CITED2: variants seen among roughly 807,000 people sequenced by gnomAD.
The protein encoded by CITED2 is cbp/p300-interacting transactivator 2.
A neutral mutation model predicts 11.8 loss-of-function variants in CITED2; 2 were observed. That is an observed-to-expected ratio of 0.17 (90% CI 0.07 to 0.54). CITED2 has a LOEUF of 0.54. Among genes scored for constraint, CITED2 ranks in the 20% least tolerant of loss-of-function variants. CITED2 has a pLI of 0.94. For synonymous variants in CITED2, 210 were observed against 153.0 expected (o/e 1.37, Z -2.75); for missense variants, 437 against 390.2 (o/e 1.12, Z -1.01).
In CITED2 at chr6:139,373,754, T is replaced by G; in HGVS notation, c.191A>C (p.Asn64Thr). Residue 64 changes from asparagine to threonine, a missense_variant, in exon 2 of 2, where the codon AAT becomes ACT. Asn to Thr is a moderately conservative substitution (Grantham distance 65, BLOSUM62 0). This residue lies in a region of CITED2 where 396 missense variants were observed against 325.2 expected (regional missense o/e 1.22). Coordinates refer to ENST00000367651, the MANE Select transcript of CITED2 (RefSeq NM_006079.5). ...CGCATGCCTGATGCCGCTCGTGGCA[T>G]TCATGTTGCCCGCGCCGTAGTGTAT... ...EHIHYGAGNMNATSGIRHAMG... is the reference protein window; with the variant it reads ...EHIHYGAGNMTATSGIRHAMG... 1.2e-6 allele frequency: 2 copies of G among 1,611,008 alleles called. No homozygotes were observed. Among genetic ancestry groups the G allele is most frequent in the Non-Finnish European group, 1.7e-6 (2 of 1,179,922 alleles).
At position 139,372,118 on chromosome 6, in the gene CITED2, G is replaced by C. The variant is rs1013212348; in HGVS notation, c.*1014C>G. ...ATGTTAAATCCTGCTCTCCGCTTAA[G>C]CTCATCATGACCTGTTTTAGTGTCC... On this transcript the variant is annotated 3_prime_UTR_variant, in exon 2 of 2. Coordinates refer to ENST00000367651, the MANE Select transcript of CITED2 (RefSeq NM_006079.5). 6.6e-6 allele frequency: 1 copy of C among 151,988 alleles called. No homozygotes were observed. 9.4% of individuals were successfully genotyped at this position (151,988 alleles called of 1,614,324 possible). A position where few individuals can be genotyped will look rare whatever the true frequency, so the allele number is the denominator to read the frequency against.
In CITED2 at chr6:139,372,706, G is replaced by T; in HGVS notation, c.*426C>A. 4.3e-6 allele frequency: 1 copy of T among 230,004 alleles called. No individual in the cohort carries two copies. The highest frequency in any genetic ancestry group is 5.6e-5 in the South Asian group (1 of 17,750). 14.2% of individuals were successfully genotyped at this position (230,004 alleles called of 1,614,324 possible). ...GTAATATCTGCCCTTCGAAGTTCAT[G>T]CAACCAACTAATGCAATTTTTCCTT... On this transcript the variant is annotated 3_prime_UTR_variant, in exon 2 of 2. Transcript: ENST00000367651.
Position 139,373,502 on chromosome 6 carries a change from C to G in CITED2, c.443G>C (p.Gly148Ala), listed in dbSNP as rs759431603. ...LHPAAGHQMN[G>A]TNQHFRDCNP... Reference sequence around the variant, plus strand: ...GCAATCTCGGAAGTGCTGGTTTGTCCCGTTCATCTGGTGGCCTGCAGCAGG... The same window carrying G: ...GCAATCTCGGAAGTGCTGGTTTGTCGCGTTCATCTGGTGGCCTGCAGCAGG... Residue 148 changes from glycine (G) to alanine (A), a missense_variant, in exon 2 of 2, where the codon GGG (glycine) becomes GCG (alanine). Gly to Ala is a moderately conservative substitution (Grantham distance 60, BLOSUM62 0). This residue lies in a region of CITED2 where 396 missense variants were observed against 325.2 expected (regional missense o/e 1.22). Transcript: ENST00000367651. 10 of 1,612,840 alleles carry G rather than the reference C, an allele frequency of 6.2e-6. No individual in the cohort carries two copies. The East Asian group carries it at 2.2e-4, about 36-fold the overall frequency.
chr6:139,373,324 G>T lies in CITED2; in HGVS notation c.621C>A (p.His207Gln). The T allele has an allele frequency of 1.2e-6, 2 of 1,611,604 alleles. No homozygotes were observed. The highest frequency in any genetic ancestry group is 1.7e-6 in the Non-Finnish European group (2 of 1,179,298). The change falls in exon 2 of 2, where the codon CAC becomes CAA. Residue 207 changes from histidine to glutamine, a missense_variant. Physicochemically the swap from His to Gln is conservative, Grantham distance 24. Transcript: ENST00000367651. ...GSGNMPASVA[H>Q]VPAAMLPPNV... The stretch of plus-strand genomic sequence containing the variant: ...TGGGCGGCAGCATTGCAGCGGGGAC[G>T]TGGGCCACGGAGGCGGGCATGTTGC...
Position 139,374,468 on chromosome 6 carries a change from G to A in CITED2, c.-64C>T, listed in dbSNP as rs569578294. The A allele has an allele frequency of 2.7e-4, 92 of 338,434 alleles. No homozygotes were observed. Among genetic ancestry groups the A allele is most frequent in the African/African-American group, 1.9e-3 (90 of 48,220 alleles). 21.0% of individuals were successfully genotyped at this position (338,434 alleles called of 1,614,324 possible). A position where few individuals can be genotyped will look rare whatever the true frequency, so the allele number is the denominator to read the frequency against. Reference sequence around the variant, plus strand: ...CCGAGGGCGGGCTCGTCGCGTCCAGGACCGGCTCAGCAGCACATAGAGGGG... The same window carrying A: ...CCGAGGGCGGGCTCGTCGCGTCCAGAACCGGCTCAGCAGCACATAGAGGGG... On this transcript the variant is annotated 5_prime_UTR_variant, in exon 1 of 2. Coordinates refer to ENST00000367651, the MANE Select transcript of CITED2 (RefSeq NM_006079.5).
chr6:139,374,587 T>G lies in CITED2; in HGVS notation c.-183A>C. On this transcript the variant is annotated 5_prime_UTR_variant, in exon 1 of 2. Transcript: ENST00000367651. ...GCAGATTCGGAGCCGTTCCCTTTTATTTCCCCTCCGTTGCCCTCACAGCTC... is the reference window on the plus strand; with the variant it reads ...GCAGATTCGGAGCCGTTCCCTTTTAGTTCCCCTCCGTTGCCCTCACAGCTC... 5.9e-6 allele frequency: 1 copy of G among 169,848 alleles called. No individual in the cohort carries two copies. Among genetic ancestry groups the G allele is most frequent in the Non-Finnish European group, 1.3e-5 (1 of 79,470 alleles). 10.5% of individuals were successfully genotyped at this position (169,848 alleles called of 1,614,324 possible). A position where few individuals can be genotyped will look rare whatever the true frequency, so the allele number is the denominator to read the frequency against.
At position 139,372,915 on chromosome 6, in the gene CITED2, G is replaced by A. The variant is rs945969113; in HGVS notation, c.*217C>T. The A allele has an allele frequency of 1.7e-5, 10 of 601,600 alleles. No individual in the cohort carries two copies. Among genetic ancestry groups the A allele is most frequent in the Admixed American group, 2.8e-5 (1 of 35,590 alleles). 37.3% of individuals were successfully genotyped at this position (601,600 alleles called of 1,614,324 possible). On this transcript the variant is annotated 3_prime_UTR_variant, in exon 2 of 2. Transcript: ENST00000367651. ...TTTCAACTACATAAGGGAGGTGGGT[G>A]AATGTCAAGGCTACAAAAACGAAAC...
chr6:139,372,902 A>T lies in CITED2; in HGVS notation c.*230T>A. 1.7e-6 allele frequency: 1 copy of T among 584,748 alleles called. No individual in the cohort carries two copies. The highest frequency in any genetic ancestry group is 3.0e-6 in the Non-Finnish European group (1 of 327,984). The allele number at this position is 584,748 out of a possible 1,614,324, so 36.2% of individuals were successfully genotyped here. ...AGTTAGCTAGATATTTCAACTACATAAGGGAGGTGGGTGAATGTCAAGGCT... is the reference window on the plus strand; with the variant it reads ...AGTTAGCTAGATATTTCAACTACATTAGGGAGGTGGGTGAATGTCAAGGCT... On this transcript the variant is annotated 3_prime_UTR_variant, in exon 2 of 2. Coordinates refer to ENST00000367651, the MANE Select transcript of CITED2 (RefSeq NM_006079.5).
Position 139,373,554 on chromosome 6 carries a change from G to A in CITED2, c.391C>T (p.His131Tyr). The change falls in exon 2 of 2, where the codon CAC (histidine) becomes TAC (tyrosine). Residue 131 changes from histidine to tyrosine, a missense_variant. Around this residue, in one of 3 missense-constraint regions of CITED2, gnomAD observed 396 missense variants for 325.2 expected, o/e 1.22. Coordinates refer to ENST00000367651, the MANE Select transcript of CITED2 (RefSeq NM_006079.5). ...NQYFNHHPYP[H>Y]NHYMPDLHPA... ...TGCAAATCCGGCATGTAGTGGTTGT[G>A]GGGGTAGGGGTGATGGTTGAAATAC... The A allele has an allele frequency of 6.2e-7, 1 of 1,614,122 alleles. No individual in the cohort carries two copies. Among genetic ancestry groups the A allele is most frequent in the Non-Finnish European group, 8.5e-7 (1 of 1,179,984 alleles).
rs187566066 is a variant in CITED2, at chr6:139,373,067, T to C, written c.*65A>G. 5.3e-4 allele frequency: 748 copies of C among 1,398,648 alleles called. 2 individuals are homozygous for C. Among genetic ancestry groups the C allele is most frequent in the Admixed American group, 4.6e-3 (277 of 59,772 alleles). 86.6% of individuals were successfully genotyped at this position (1,398,648 alleles called of 1,614,324 possible). The stretch of plus-strand genomic sequence containing the variant: ...AAGTGAGATACTGTGTCTAAGGGAA[T>C]GTTTCTTTTAATTCACGCCGAAGAA... On this transcript the variant is annotated 3_prime_UTR_variant, in exon 2 of 2. Coordinates refer to ENST00000367651, the MANE Select transcript of CITED2 (RefSeq NM_006079.5).
rs1778312846 is a variant in CITED2, at chr6:139,373,776, G to A, written c.169C>T (p.His57Tyr). 6.2e-7 allele frequency: 1 copy of A among 1,610,746 alleles called. No homozygotes were observed. Among genetic ancestry groups the A allele is most frequent in the Non-Finnish European group, 8.5e-7 (1 of 1,179,980 alleles). ...GCATTCATGTTGCCCGCGCCGTAGT[G>A]TATGTGCTCGCCCATTAGGGCGTTG... ...AFNALMGEHI[H>Y]YGAGNMNATS... is the part of the protein sequence containing the mutation. The change falls in exon 2 of 2, where the codon CAC (histidine) becomes TAC (tyrosine). Residue 57 changes from histidine (H) to tyrosine (Y), a missense_variant. Around this residue, in one of 3 missense-constraint regions of CITED2, gnomAD observed 396 missense variants for 325.2 expected, o/e 1.22. Transcript: ENST00000367651.
chr6:139,372,770 C>A lies in CITED2; in HGVS notation c.*362G>T. On this transcript the variant is annotated 3_prime_UTR_variant, in exon 2 of 2. Transcript: ENST00000367651. ...TGAATGCAGTTCAGTCATTTGAAACCATCTACAAAATCCACAAGATTAAGC... is the reference window on the plus strand; with the variant it reads ...TGAATGCAGTTCAGTCATTTGAAACAATCTACAAAATCCACAAGATTAAGC... The A allele has an allele frequency of 3.5e-6, 1 of 288,976 alleles. No individual in the cohort carries two copies. The highest frequency in any genetic ancestry group is 3.9e-5 in the South Asian group (1 of 25,814). 17.9% of individuals were successfully genotyped at this position (288,976 alleles called of 1,614,324 possible).
At position 139,372,859 on chromosome 6, in the gene CITED2, A is replaced by C. The variant is rs1778276870; in HGVS notation, c.*273T>G. On this transcript the variant is annotated 3_prime_UTR_variant, in exon 2 of 2. Transcript: ENST00000367651. ...GAAAGTGAGGGAAAGGAGTAAAAACAAACAACGAAAAAGACCAAGTTAGCT... is the reference window on the plus strand; with the variant it reads ...GAAAGTGAGGGAAAGGAGTAAAAACCAACAACGAAAAAGACCAAGTTAGCT... The C allele has an allele frequency of 2.0e-6, 1 of 496,838 alleles. No homozygotes were observed. Among genetic ancestry groups the C allele is most frequent in the Admixed American group, 3.2e-5 (1 of 30,890 alleles). 30.8% of individuals were successfully genotyped at this position (496,838 alleles called of 1,614,324 possible).
In CITED2 at chr6:139,374,453, G is replaced by T. The variant is rs1778335848; in HGVS notation, c.-49C>A. 1.1e-5 allele frequency: 4 copies of T among 362,472 alleles called. No individual in the cohort carries two copies. In the East Asian group the frequency reaches 1.7e-4, roughly 15 times the overall value. The allele number at this position is 362,472 out of a possible 1,614,324, so 22.5% of individuals were successfully genotyped here. A position where few individuals can be genotyped will look rare whatever the true frequency, so the allele number is the denominator to read the frequency against. On this transcript the variant is annotated 5_prime_UTR_variant, in exon 1 of 2. Coordinates refer to ENST00000367651, the MANE Select transcript of CITED2 (RefSeq NM_006079.5). ...TTTCTGCTCCGAAGACCGAGGGCGG[G>T]CTCGTCGCGTCCAGGACCGGCTCAG...
intron 1 of CITED2, 129 bp downstream of exon 1, chr6:139,374,281 CCCT>C: frequency 9.8e-7 from 1 of 1,017,472 alleles, no homozygotes; most frequent in Non-Finnish European, 1.4e-6. Flanking sequence ...ATTAAATCAG[CCCT>C]CCTCATCCTG....
Position 139,373,651 on chromosome 6 carries a change from G to T in CITED2, c.294C>A (p.Phe98Leu), listed in dbSNP as rs772009858. 8 of 1,613,682 alleles carry T rather than the reference G, an allele frequency of 5.0e-6. No homozygotes were observed. Among genetic ancestry groups the T allele is most frequent in the Middle Eastern group, 1.7e-4 (1 of 6,060 alleles). The change falls in exon 2 of 2, where the codon TTC (phenylalanine) becomes TTA (leucine). Residue 98 changes from phenylalanine (F) to leucine (L), a missense_variant. Physicochemically the swap from Phe to Leu is conservative, Grantham distance 22 (BLOSUM62 0). This residue lies in a region of CITED2 where 396 missense variants were observed against 325.2 expected (regional missense o/e 1.22). Coordinates refer to ENST00000367651, the MANE Select transcript of CITED2 (RefSeq NM_006079.5). ...APAARFNNSQ[F>L]MGPPVASQGG... ...CCTGGCTGGCCACCGGGGGACCCAT[G>T]AACTGGGAGTTGTTAAACCTGGCCG... is the stretch of plus-strand genomic sequence containing the variant.
rs75804913 is a variant in CITED2 at position 139,372,296 on chromosome 6, G to T, written c.*836C>A. On this transcript the variant is annotated 3_prime_UTR_variant, in exon 2 of 2. Coordinates refer to ENST00000367651, the MANE Select transcript of CITED2 (RefSeq NM_006079.5). ...TTATTGACATTGGCAAATTAAAATAGAATAAATTAACAAGTATTTTTTCAA... is the reference window on the plus strand; with the variant it reads ...TTATTGACATTGGCAAATTAAAATATAATAAATTAACAAGTATTTTTTCAA... The T allele has an allele frequency of 0.02, 3,034 of 152,544 alleles. 36 individuals carry two copies. Among genetic ancestry groups the T allele is most frequent in the Middle Eastern group, 0.054 (16 of 294 alleles). 9.4% of individuals were successfully genotyped at this position (152,544 alleles called of 1,614,324 possible). A position where few individuals can be genotyped will look rare whatever the true frequency, so the allele number is the denominator to read the frequency against.
Position 139,372,749 on chromosome 6 carries a change from T to G in CITED2, c.*383A>C, listed in dbSNP as rs369754940. 79 of 252,828 alleles carry G rather than the reference T, an allele frequency of 3.1e-4. 2 individuals carry two copies. The South Asian group carries it at 3.6e-3, about 12-fold the overall frequency. The allele number at this position is 252,828 out of a possible 1,614,324, so 15.7% of individuals were successfully genotyped here. A position where few individuals can be genotyped will look rare whatever the true frequency, so the allele number is the denominator to read the frequency against. ...TTTTCCTTTCACTCGTAAATCTGAATGCAGTTCAGTCATTTGAAACCATCT... is the reference window on the plus strand; with the variant it reads ...TTTTCCTTTCACTCGTAAATCTGAAGGCAGTTCAGTCATTTGAAACCATCT... On this transcript the variant is annotated 3_prime_UTR_variant, in exon 2 of 2. Transcript: ENST00000367651.
Position 139,373,485 on chromosome 6 carries a change from G to T in CITED2, c.460C>A (p.Arg154=). The T allele has an allele frequency of 2.5e-6, 4 of 1,606,918 alleles. No homozygotes were observed. Among genetic ancestry groups the T allele is most frequent in the Non-Finnish European group, 3.4e-6 (4 of 1,175,732 alleles). The part of the protein sequence containing the change: ...HQMNGTNQHF[R]DCNPKHSGGS... ...CCGCTGTGCTTGGGGTTGCAATCTC[G>T]GAAGTGCTGGTTTGTCCCGTTCATC... Residue 154 remains arginine (R), a synonymous_variant, in exon 2 of 2, where the codon CGA becomes AGA. Transcript: ENST00000367651.
Sources: gnomAD v4.1 joint callset for allele counts on GRCh38, gnomAD v4.1.1 for gene constraint, gnomAD v4.1.1 regional missense constraint, MANE v1.5 for transcripts, NCBI Gene and HGNC (gene_info 2026-07-23, HGNC 2026-07-21) for gene names.